Variants in SGCZ observed in about 807,000 individuals in gnomAD.
SGCZ encodes sarcoglycan zeta.
Under a neutral mutation model 41.3 loss-of-function variants are expected in SGCZ, and 40 were observed. The ratio of observed to expected loss-of-function variants is 0.97; its 90% CI spans 0.75 to 1.26. SGCZ has a LOEUF of 1.26. Among genes scored for constraint, SGCZ ranks in the 50% most tolerant of loss-of-function variants. SGCZ has a pLI of 0.00. For missense variants in SGCZ, 552 were observed against 369.8 expected, an observed-to-expected ratio of 1.49 and a Z score of -4.04; for synonymous variants, 206 against 137.5, an observed-to-expected ratio of 1.50 and a Z score of -3.49.
chr8:14,905,035 G>C (rs190721099), intron 1 of SGCZ, among the ~76,000 whole-genome samples: 8 of 151,740 alleles, frequency 5.3e-5, no homozygotes, highest in African/African-American at 1.9e-4. Context: ...CAATATTATT[G>C]GGGCCCTTCA....
chr8:14,649,057 T>A (rs1378606374), intron 1 of SGCZ, among the ~76,000 whole-genome samples: 1 of 152,132 alleles, frequency 6.6e-6, no homozygotes, highest in Non-Finnish European at 1.5e-5. Context: ...ACGTGTTACA[T>A]AAATCCTTTT....
chr8:14,443,775 C>G (rs1800345813), intron 2 of SGCZ, among the ~76,000 whole-genome samples: 1 of 151,912 alleles, frequency 6.6e-6, no homozygotes, highest in Non-Finnish European at 1.5e-5. Flanking sequence ...TCTAAAACAC[C>G]AAAAGCCATG....
At chr8:14,337,291 G>T (rs1245213326) in intron 2 of SGCZ, among the ~76,000 whole-genome samples, 2 of 152,092 alleles carry the variant, frequency 1.3e-5, no homozygotes, top group Non-Finnish European at 2.9e-5. Context: ...GCAACACAAA[G>T]CTGTGTATGA....
chr8:14,620,391 T>G (rs1806245151), intron 1 of SGCZ, among the ~76,000 whole-genome samples: 1 of 152,188 alleles, frequency 6.6e-6, no homozygotes, highest in African/African-American at 2.4e-5. Context: ...AAGGACTTCA[T>G]GTCTAAAACA....
In SGCZ at chr8:15,018,022, G is replaced by A. The variant is rs147949649; in HGVS notation, c.39+219563C>T. Among the ~76,000 whole-genome samples the A allele has an allele frequency of 1.1e-3, 171 of 152,182 alleles. 1 individual carries two copies. Among genetic ancestry groups the A allele is most frequent in the Middle Eastern group, 6.8e-3 (2 of 294 alleles). ...TGGAGTTACAGGTGTGAGCCACTGC[G>A]CCTGGCTCAAAGTCAAAGCTGTATG... On this transcript the variant is annotated intron_variant, in intron 1 of 7. Coordinates refer to ENST00000382080, the MANE Select transcript of SGCZ (RefSeq NM_139167.4).
chr8:14,264,816 A>G (rs1053232354), intron 3 of SGCZ, among the ~76,000 whole-genome samples: 3 of 152,108 alleles, frequency 2.0e-5, no homozygotes, highest in Non-Finnish European at 4.4e-5. Context: ...TTAAAAAATT[A>G]GCCGGGCGTG....
chr8:14,611,048 T>G (rs944621759), intron 1 of SGCZ, among the ~76,000 whole-genome samples: 2 of 152,160 alleles, frequency 1.3e-5, no homozygotes, highest in African/African-American at 4.8e-5. Context: ...AAGAAAGAAA[T>G]CTTTTATTGG....
chr8:14,539,703 C>G (rs533418589), intron 2 of SGCZ, among the ~76,000 whole-genome samples: 1 of 151,622 alleles, frequency 6.6e-6, no homozygotes, highest in Non-Finnish European at 1.5e-5. Context: ...CTTCCATCCT[C>G]CACGCTCTGA....
chr8:14,602,219 G>T, intron 1 of SGCZ, among the ~76,000 whole-genome samples: 1 of 152,062 alleles, frequency 6.6e-6, no homozygotes, highest in East Asian at 1.9e-4. Context: ...TTATCCCTAG[G>T]TCATACAGCT....
At chr8:15,177,339 A>G (rs914285765) in intron 1 of SGCZ, among the ~76,000 whole-genome samples, 2 of 152,220 alleles carry the variant, frequency 1.3e-5, no homozygotes, top group African/African-American at 4.8e-5. Context: ...ACGAAAGAGG[A>G]AACCAGGCAG....
At chr8:14,401,032 C>A (rs1799056996) in intron 2 of SGCZ, among the ~76,000 whole-genome samples, 1 of 152,118 alleles carries the variant, frequency 6.6e-6, no homozygotes, top group African/African-American at 2.4e-5. Context: ...TCACTATAAG[C>A]AGGCCAGTTT....
chr8:14,994,340 T>C (rs1398066500), intron 1 of SGCZ, among the ~76,000 whole-genome samples: 5 of 152,078 alleles, frequency 3.3e-5, no homozygotes, highest in Admixed American at 2.6e-4. Flanking sequence ...TCCCAGCACT[T>C]TGGGAGGCCG....
At chr8:14,267,682 A>G (rs1229037500) in intron 3 of SGCZ, among the ~76,000 whole-genome samples, 1 of 152,090 alleles carries the variant, frequency 6.6e-6, no homozygotes, top group Non-Finnish European at 1.5e-5. Context: ...GGGATTGTGA[A>G]TATGATACAT....
chr8:14,475,361 A>C (rs925051492), intron 2 of SGCZ, among the ~76,000 whole-genome samples: 3 of 152,150 alleles, frequency 2.0e-5, no homozygotes, highest in African/African-American at 7.2e-5. Flanking sequence ...TGTAAATATA[A>C]ATTTTGTAAT....
intron 2 of SGCZ, among the ~76,000 whole-genome samples, chr8:14,387,301 C>G (rs926399983): frequency 1.3e-5 from 2 of 152,162 alleles, no homozygotes; most frequent in African/African-American, 4.8e-5. Context: ...ATCCTCCCAT[C>G]CTGGTCTCCC....
intron 2 of SGCZ, among the ~76,000 whole-genome samples, chr8:14,447,145 T>C (rs1002010770): frequency 6.6e-6 from 1 of 152,146 alleles, no homozygotes; most frequent in African/African-American, 2.4e-5. Context: ...CAAACAATTT[T>C]CAAAGCACTA....
At chr8:14,823,095 C>T (rs1011423090) in intron 1 of SGCZ, among the ~76,000 whole-genome samples, 7 of 144,430 alleles carry the variant, frequency 4.8e-5, no homozygotes, top group African/African-American at 1.0e-4. Context: ...GTGTAACTTT[C>T]GTGCAAAACA....
At chr8:14,453,617 T>C (rs754647164) in intron 2 of SGCZ, among the ~76,000 whole-genome samples, 22 of 152,160 alleles carry the variant, frequency 1.4e-4, no homozygotes, top group Non-Finnish European at 3.1e-4. Flanking sequence ...GAAAGAATCT[T>C]AGGAGGGAAA....
At chr8:14,268,569 A>T (rs1799954167) in intron 3 of SGCZ, among the ~76,000 whole-genome samples, 1 of 151,952 alleles carries the variant, frequency 6.6e-6, no homozygotes. Context: ...AAATTAGGGG[A>T]TAGTATTTAA....
Sources: allele counts gnomAD v4.1 joint callset (sites outside exome capture counted in the v4.1 genomes callset), GRCh38; gene constraint gnomAD v4.1.1; transcripts MANE v1.5; gene names NCBI Gene and HGNC (gene_info 2026-07-23, HGNC 2026-07-21).